CDK6: variants seen among roughly 807,000 people sequenced by gnomAD.
CDK6 encodes cyclin-dependent kinase 6.
In CDK6, 6 loss-of-function variants were observed where a neutral mutation model predicts 37.1. The observed-to-expected ratio is 0.16, with a 90% CI of 0.09 to 0.32. CDK6 has a LOEUF of 0.32. CDK6 is among the 10% of genes least tolerant of loss of function. The probability of loss-of-function intolerance (pLI) is 1.00; values close to 1 mark genes in which losing one functional copy is unlikely to be tolerated. For missense variants in CDK6, 224 were observed against 418.9 expected, an observed-to-expected ratio of 0.53 and a Z score of 4.06; for synonymous variants, 160 against 161.3, an observed-to-expected ratio of 0.99 and a Z score of 0.06.
intron 4 of CDK6, among the ~76,000 whole-genome samples, chr7:92,679,907 CAG>C (rs1362466547): frequency 3.3e-5 from 5 of 151,632 alleles, no homozygotes; most frequent in Admixed American, 6.6e-5. Context: ...TTTTTAGAGA[CAG>C]AGTTTCGCCA....
intron 3 of CDK6, among the ~76,000 whole-genome samples, chr7:92,770,771 A>G (rs1562960554): frequency 6.6e-6 from 1 of 152,118 alleles, no homozygotes; most frequent in Non-Finnish European, 1.5e-5. Flanking sequence ...AATGCAATTT[A>G]TGTCCTGAAT....
At position 92,795,818 on chromosome 7, in the gene CDK6, T is replaced by C. The variant is rs543623356; in HGVS notation, c.234-20987A>G. Among the ~76,000 whole-genome samples the C allele has an allele frequency of 1.9e-3, 295 of 152,284 alleles. 1 individual carries two copies. The highest frequency in any genetic ancestry group is 3.8e-3 in the Non-Finnish European group (257 of 68,004). ...CAGAATTTTATAGATTTTTACATTA[T>C]GCATTTTGAATTAGTTTATACAAAG... On this transcript the variant is annotated intron_variant, in intron 2 of 7. Coordinates refer to ENST00000424848, the MANE Select transcript of CDK6 (RefSeq NM_001145306.2).
At chr7:92,749,738 G>A (rs1190941667) in intron 3 of CDK6, among the ~76,000 whole-genome samples, 1 of 152,150 alleles carries the variant, frequency 6.6e-6, no homozygotes, top group Non-Finnish European at 1.5e-5. Context: ...CTTTAGTCCT[G>A]TGAGGGTATG....
chr7:92,696,942 T>C (rs778749504), intron 4 of CDK6, among the ~76,000 whole-genome samples: 14 of 152,104 alleles, frequency 9.2e-5, no homozygotes, highest in Non-Finnish European at 1.9e-4. Context: ...TCCAATCAAA[T>C]ATGAGACAGG....
chr7:92,607,549 AGT>A lies in CDK6; in HGVS notation c.*7589_*7590del, dbSNP rs1443978384. 4.3e-6 allele frequency: 1 copy of A among 232,866 alleles called. No individual in the cohort carries two copies. The highest frequency in any genetic ancestry group is 8.5e-6 in the Non-Finnish European group (1 of 117,904). The allele number at this position is 232,866 out of a possible 1,614,324, so 14.4% of individuals were successfully genotyped here. A position where few individuals can be genotyped will look rare whatever the true frequency, so the allele number is the denominator to read the frequency against. On this transcript the variant is annotated 3_prime_UTR_variant, in exon 8 of 8. Coordinates refer to ENST00000424848, the MANE Select transcript of CDK6 (RefSeq NM_001145306.2). Reference sequence around the variant, plus strand: ...ATGCATGCAGCTTATTTGGGGGCTTAGTCTAATTTTTATTTTCTTAGGTCCAT... The same window carrying A: ...ATGCATGCAGCTTATTTGGGGGCTTACTAATTTTTATTTTCTTAGGTCCAT...
At chr7:92,728,993 C>T (rs902034579) in intron 3 of CDK6, among the ~76,000 whole-genome samples, 5 of 152,110 alleles carry the variant, frequency 3.3e-5, no homozygotes, top group Admixed American at 6.6e-5. Context: ...ATTGCAATAC[C>T]TAATTTCAAA....
intron 2 of CDK6, among the ~76,000 whole-genome samples, chr7:92,778,925 A>ATG (rs1799914312): frequency 2.1e-5 from 2 of 94,078 alleles, no homozygotes; most frequent in African/African-American, 7.1e-5. Context: ...ATAGTTTATC[A>ATG]TATATATATA....
At chr7:92,811,656 C>T (rs971840632) in intron 2 of CDK6, among the ~76,000 whole-genome samples, 4 of 152,020 alleles carry the variant, frequency 2.6e-5, no homozygotes, top group Non-Finnish European at 4.4e-5. Flanking sequence ...TAATGTCACA[C>T]TTAACCAGAG....
At chr7:92,735,177 G>A (rs1173492083) in intron 3 of CDK6, among the ~76,000 whole-genome samples, 5 of 152,244 alleles carry the variant, frequency 3.3e-5, no homozygotes, top group East Asian at 1.9e-4. Flanking sequence ...ACTAAGTTCC[G>A]TTCAACTCAG....
chr7:92,812,428 T>C (rs1056291696), intron 2 of CDK6, among the ~76,000 whole-genome samples: 1 of 152,012 alleles, frequency 6.6e-6, no homozygotes, highest in African/African-American at 2.4e-5. Flanking sequence ...TCAATTTTTT[T>C]TTTTTTTGAG....
intron 5 of CDK6, among the ~76,000 whole-genome samples, chr7:92,649,386 G>A (rs2116554673): frequency 6.6e-6 from 1 of 152,288 alleles, no homozygotes; most frequent in South Asian, 2.1e-4. Flanking sequence ...GGGGACAGAA[G>A]GGCCTAACAG....
At chr7:92,715,687 C>A (rs559760645) in intron 4 of CDK6, among the ~76,000 whole-genome samples, 2 of 152,082 alleles carry the variant, frequency 1.3e-5, no homozygotes, top group African/African-American at 2.4e-5. Context: ...TCAATAAATG[C>A]ATCAGAAAAT....
At chr7:92,632,018 C>T (rs1658740216) in intron 5 of CDK6, among the ~76,000 whole-genome samples, 1 of 152,054 alleles carries the variant, frequency 6.6e-6, no homozygotes, top group African/African-American at 2.4e-5. Context: ...AAATGTGGCT[C>T]TCAAAACTAC....
intron 4 of CDK6, among the ~76,000 whole-genome samples, chr7:92,672,333 C>G (rs866413426): frequency 1.3e-5 from 2 of 150,536 alleles, no homozygotes; most frequent in African/African-American, 2.5e-5. Context: ...ACCGTGACAG[C>G]TTGGGGAATC....
At chr7:92,818,961 T>C (rs2115972519) in intron 2 of CDK6, among the ~76,000 whole-genome samples, 1 of 152,204 alleles carries the variant, frequency 6.6e-6, no homozygotes, top group South Asian at 2.1e-4. Context: ...GGAACCTTTA[T>C]ACACTAGCAC....
intron 3 of CDK6, among the ~76,000 whole-genome samples, chr7:92,748,173 T>C (rs542019232): frequency 2.8e-4 from 42 of 152,344 alleles, no homozygotes; most frequent in South Asian, 1.2e-3. Flanking sequence ...TTACAGAATA[T>C]GGCTTTCCAG....
At chr7:92,763,171 G>T (rs1472195252) in intron 3 of CDK6, among the ~76,000 whole-genome samples, 1 of 152,156 alleles carries the variant, frequency 6.6e-6, no homozygotes, top group Non-Finnish European at 1.5e-5. Context: ...TTTGCTAAAG[G>T]CCTAGAATGA....
intron 4 of CDK6, among the ~76,000 whole-genome samples, chr7:92,723,264 G>T (rs1047044093): frequency 2.6e-5 from 4 of 152,112 alleles, no homozygotes; most frequent in African/African-American, 9.7e-5. Flanking sequence ...TACTAGAAAG[G>T]GTACCTCTGG....
rs1415924476 is a variant in CDK6, at chr7:92,610,546, G to T, written c.*4594C>A. ...TATTTTTGGTTTATTTTCTGAAAAA[G>T]TACAAGATAGAAATGCTTGAGATAT... On this transcript the variant is annotated 3_prime_UTR_variant, in exon 8 of 8. Coordinates refer to ENST00000424848, the MANE Select transcript of CDK6 (RefSeq NM_001145306.2). 1 of 228,870 alleles carries T rather than the reference G, an allele frequency of 4.4e-6. No homozygotes were observed. Among genetic ancestry groups the T allele is most frequent in the Non-Finnish European group, 8.7e-6 (1 of 115,434 alleles). 14.2% of individuals were successfully genotyped at this position (228,870 alleles called of 1,614,324 possible).
Sources: allele counts gnomAD v4.1 joint callset (sites outside exome capture counted in the v4.1 genomes callset), GRCh38; gene constraint gnomAD v4.1.1; transcripts MANE v1.5; gene names NCBI Gene and HGNC (gene_info 2026-07-23, HGNC 2026-07-21).